RMDN2: variants seen among roughly 807,000 people sequenced by gnomAD.
The protein encoded by RMDN2 is regulator of microtubule dynamics 2, also known as regulator of microtubule dynamics protein 2.
Under a neutral mutation model 52.8 loss-of-function variants are expected in RMDN2, and 61 were observed. The ratio of observed to expected loss-of-function variants is 1.16; its 90% CI spans 0.94 to 1.43. The LOEUF is 1.43. RMDN2 is among the 40% of genes most tolerant of loss of function. RMDN2 has a pLI of 0.00. For synonymous variants in RMDN2, 180 were observed against 153.1 expected (o/e 1.18, Z -1.30); for missense variants, 592 against 475.3 (o/e 1.25, Z -2.28).
At chr2:37,954,484 C>A (rs1438436256) in intron 2 of RMDN2, among the ~76,000 whole-genome samples, 1 of 151,958 alleles carries the variant, frequency 6.6e-6, no homozygotes, top group Admixed American at 6.6e-5. Context: ...GGTCTTGGAA[C>A]CTTTGTCAAA....
chr2:37,939,830 G>A (rs533334643), intron 2 of RMDN2, among the ~76,000 whole-genome samples: 14 of 152,224 alleles, frequency 9.2e-5, no homozygotes, highest in African/African-American at 3.4e-4. Context: ...AATGGGTCTT[G>A]ACTCTTTATC....
intron 10 of RMDN2, among the ~76,000 whole-genome samples, chr2:38,041,415 T>A (rs1290969895): frequency 1.4e-5 from 2 of 138,560 alleles, no homozygotes; most frequent in Non-Finnish European, 3.0e-5. Context: ...TCTTTCCTCA[T>A]TTTTTTTATT....
chr2:38,052,096 T>G (rs1681637724), intron 10 of RMDN2, among the ~76,000 whole-genome samples: 1 of 152,260 alleles, frequency 6.6e-6, no homozygotes, highest in African/African-American at 2.4e-5. Flanking sequence ...ATCTCTACAC[T>G]GTTTTCCATA....
At chr2:38,051,390 C>CT (rs1415587625) in intron 10 of RMDN2, among the ~76,000 whole-genome samples, 1 of 151,936 alleles carries the variant, frequency 6.6e-6, no homozygotes, top group African/African-American at 2.4e-5. Flanking sequence ...AGTGACTGTT[C>CT]TTTTTTTAGT....
chr2:37,950,442 G>C, intron 2 of RMDN2: 1 of 1,609,000 alleles, frequency 6.2e-7, no homozygotes, highest in Non-Finnish European at 8.5e-7. Flanking sequence ...ATCACATTCT[G>C]TGTTATTGCC....
intron 5 of RMDN2, among the ~76,000 whole-genome samples, chr2:37,984,167 C>G (rs928856174): frequency 1.3e-5 from 2 of 152,282 alleles, no homozygotes; most frequent in East Asian, 3.8e-4. Context: ...TTATCTCTAT[C>G]TTTTCTAAAA....
downstream of RMDN2, among the ~76,000 whole-genome samples, chr2:38,021,456 A>C (rs920911855): frequency 2.6e-5 from 4 of 152,132 alleles, no homozygotes; most frequent in African/African-American, 9.7e-5. Flanking sequence ...CTCGGTCCAC[A>C]CTGCCTTTAT....
At chr2:38,003,597 T>TTGGC (rs1456651639) in intron 8 of RMDN2, among the ~76,000 whole-genome samples, 1 of 128,862 alleles carries the variant, frequency 7.8e-6, no homozygotes, top group East Asian at 2.2e-4. Context: ...GATAGATAGA[T>TTGGC]AGATAGGCAG....
intron 2 of RMDN2, among the ~76,000 whole-genome samples, chr2:37,939,318 G>A (rs930400039): frequency 6.6e-6 from 1 of 152,110 alleles, no homozygotes; most frequent in African/African-American, 2.4e-5. Flanking sequence ...CAATTATGTG[G>A]TTGATTTTGG....
intron 10 of RMDN2, among the ~76,000 whole-genome samples, chr2:38,059,881 G>C (rs1218166138): frequency 6.6e-6 from 1 of 151,420 alleles, no homozygotes; most frequent in East Asian, 1.9e-4. Context: ...GTTGTCGTTG[G>C]TTTTTTTTGT....
At chr2:37,977,856 G>A (rs902609198) in intron 4 of RMDN2, among the ~76,000 whole-genome samples, 2 of 150,304 alleles carry the variant, frequency 1.3e-5, no homozygotes, top group African/African-American at 2.4e-5. Flanking sequence ...CGGGCAGAGG[G>A]GCTCCTCACA....
At chr2:38,008,593 T>C (rs1377024434) in intron 10 of RMDN2, among the ~76,000 whole-genome samples, 6 of 152,206 alleles carry the variant, frequency 3.9e-5, no homozygotes, top group Non-Finnish European at 7.3e-5. Flanking sequence ...TTTGAGCCTA[T>C]GTGTGTCTCT....
intron 2 of RMDN2, among the ~76,000 whole-genome samples, chr2:37,964,248 C>T (rs1055067301): frequency 1.3e-5 from 2 of 152,254 alleles, no homozygotes; most frequent in African/African-American, 4.8e-5. Flanking sequence ...GGGGCTCCTC[C>T]ATACACGTGA....
intron 2 of RMDN2, among the ~76,000 whole-genome samples, chr2:37,940,345 T>A (rs1361415738): frequency 6.6e-6 from 1 of 152,228 alleles, no homozygotes; most frequent in African/African-American, 2.4e-5. Flanking sequence ...ATGGTGAATC[T>A]GACAATTATG....
chr2:38,020,893 C>G (rs761444334), downstream of RMDN2, among the ~76,000 whole-genome samples: 12 of 152,186 alleles, frequency 7.9e-5, no homozygotes, highest in Non-Finnish European at 1.8e-4. Flanking sequence ...CTGAGGAGTG[C>G]GGCGCACGGT....
chr2:38,022,105 T>C (rs1217885348), downstream of RMDN2, among the ~76,000 whole-genome samples: 1 of 152,182 alleles, frequency 6.6e-6, no homozygotes, highest in Non-Finnish European at 1.5e-5. Context: ...TTATTTCGAC[T>C]CCTTAATCTA....
intron 10 of RMDN2, chr2:38,030,623 A>G (rs1005062590): frequency 1.3e-5 from 2 of 152,226 alleles, no homozygotes; most frequent in African/African-American, 4.8e-5. Flanking sequence ...ATGGATTTTT[A>G]TTAAACATTT....
intron 2 of RMDN2, among the ~76,000 whole-genome samples, chr2:37,954,693 G>T (rs901411435): frequency 6.6e-6 from 1 of 151,982 alleles, no homozygotes; most frequent in African/African-American, 2.4e-5. Context: ...CGGGTGTCTT[G>T]GAATTCCAAA....
intron 2 of RMDN2, among the ~76,000 whole-genome samples, chr2:37,944,893 G>A (rs1315703390): frequency 6.6e-6 from 1 of 151,970 alleles, no homozygotes; most frequent in African/African-American, 2.4e-5. Context: ...CAATACAGAG[G>A]GCAAGAGTAA....
Sources: gnomAD v4.1 joint callset for allele counts (sites outside exome capture counted in the v4.1 genomes callset) on GRCh38, gnomAD v4.1.1 for gene constraint, MANE v1.5 for transcripts, NCBI Gene and HGNC (gene_info 2026-07-23, HGNC 2026-07-21) for gene names.